Variants in SPTLC2 observed in about 807,000 individuals in gnomAD.
SPTLC2 encodes the protein serine palmitoyltransferase 2.
In SPTLC2, 21 loss-of-function variants were observed where a neutral mutation model predicts 62.0. The observed-to-expected ratio is 0.34, with a 90% confidence interval of 0.24 to 0.49. The LOEUF (loss-of-function observed/expected upper bound fraction) is 0.49, where lower values mean the gene tolerates loss of function less well. Among genes scored for constraint, SPTLC2 ranks in the 20% least tolerant of loss-of-function variants. SPTLC2 has a pLI of 0.99. For missense variants in SPTLC2, 511 were observed against 713.0 expected (o/e 0.72, Z 3.23); for synonymous variants, 261 against 261.8 (o/e 1.00, Z 0.03).
At chr14:77,534,178 T>A (rs28668365) in intron 9 of SPTLC2, among the ~76,000 whole-genome samples, 1,795 of 114,876 alleles carry the variant, frequency 0.016, 19 homozygotes, top group African/African-American at 0.043. Context: ...TCTCTCTCTC[T>A]CACACACACA....
chr14:77,520,970 T>C (rs2079382359), intron 10 of SPTLC2, among the ~76,000 whole-genome samples: 1 of 152,236 alleles, frequency 6.6e-6, no homozygotes, highest in South Asian at 2.1e-4. Context: ...TTCAAATCTT[T>C]GCTCAGATGT....
At chr14:77,517,061 A>T (rs2079362835) in intron 11 of SPTLC2, among the ~76,000 whole-genome samples, 1 of 152,224 alleles carries the variant, frequency 6.6e-6, no homozygotes. Context: ...AGCCTGACCA[A>T]CATGGAGAAA....
At chr14:77,532,812 T>TA (rs1469924086) in intron 9 of SPTLC2, among the ~76,000 whole-genome samples, 21 of 106,242 alleles carry the variant, frequency 2.0e-4, no homozygotes, top group Admixed American at 3.5e-4. Flanking sequence ...TAAAAATAAA[T>TA]AAATAAATAA....
At chr14:77,599,411 C>T (rs1334124852) in intron 1 of SPTLC2, among the ~76,000 whole-genome samples, 4 of 152,142 alleles carry the variant, frequency 2.6e-5, no homozygotes, top group African/African-American at 4.8e-5. Context: ...CATAACTATA[C>T]AATCAATTGT....
intron 9 of SPTLC2, among the ~76,000 whole-genome samples, chr14:77,549,396 A>G (rs574523683): frequency 6.6e-6 from 1 of 152,256 alleles, no homozygotes; most frequent in African/African-American, 2.4e-5. Context: ...TGCTCTCTGA[A>G]GCATCCTTTC....
Position 77,535,817 on chromosome 14 carries a change from A to C in SPTLC2, c.1304-14236T>G, listed in dbSNP as rs373836035. ...CTACTATTATGACTGGCTGGCTATT[A>C]AAACCAGGTGAAAGTGGACAGAAAT... On this transcript the variant is annotated intron_variant, in intron 9 of 11. Coordinates refer to ENST00000216484, the MANE Select transcript of SPTLC2 (RefSeq NM_004863.4). 118 of 354,286 alleles carry C rather than the reference A, an allele frequency of 3.3e-4. 1 individual carries two copies. Among genetic ancestry groups the C allele is most frequent in the African/African-American group, 2.5e-3 (114 of 45,592 alleles). 21.9% of individuals were successfully genotyped at this position (354,286 alleles called of 1,614,324 possible).
At chr14:77,580,477 C>CAA (rs370432060) in intron 2 of SPTLC2, among the ~76,000 whole-genome samples, 1,110 of 109,782 alleles carry the variant, frequency 0.01, 17 homozygotes, top group Non-Finnish European at 0.015. Context: ...GACTCCATAT[C>CAA]AAAAAAAAAA....
intron 2 of SPTLC2, 127 bp from the exon 3 acceptor site, chr14:77,579,236 G>A (rs936698850): frequency 2.2e-6 from 2 of 917,740 alleles, no homozygotes; most frequent in Non-Finnish European, 3.4e-6. Flanking sequence ...TTACGTGCAA[G>A]ATTGTGTAAT....
At chr14:77,607,201 A>AG (rs2079910104) in intron 1 of SPTLC2, among the ~76,000 whole-genome samples, 1 of 152,214 alleles carries the variant, frequency 6.6e-6, no homozygotes, top group Non-Finnish European at 1.5e-5. Context: ...CAAAGTAATA[A>AG]GCATTTCTCT....
intron 1 of SPTLC2, among the ~76,000 whole-genome samples, chr14:77,598,062 TG>T (rs1205432700): frequency 7.4e-6 from 1 of 135,784 alleles, no homozygotes; most frequent in African/African-American, 2.8e-5. Context: ...ATGGAAGTTG[TG>T]GGGAGCCGAG....
At position 77,562,454 on chromosome 14, in the gene SPTLC2, T is replaced by C. The variant is rs2079619982; in HGVS notation, c.792A>G (p.Ala264=). ...CLILSDELNH[A]SLVLGARLSG... is the part of the protein sequence containing the mutation. ...ACAGTCTGGCTCCCAGAACCAGTGATGCATGATTCAGTTCATCACTCAGAA... is the reference window on the plus strand; with the variant it reads ...ACAGTCTGGCTCCCAGAACCAGTGACGCATGATTCAGTTCATCACTCAGAA... The change falls in exon 6 of 12, where the codon GCA becomes GCG. Residue 264 remains alanine, a synonymous_variant. Coordinates refer to ENST00000216484, the MANE Select transcript of SPTLC2 (RefSeq NM_004863.4). 3.7e-6 allele frequency: 6 copies of C among 1,614,182 alleles called. No homozygotes were observed. The highest frequency in any genetic ancestry group is 5.1e-6 in the Non-Finnish European group (6 of 1,180,026).
In SPTLC2 at chr14:77,568,807, CAA is replaced by C. The variant is rs35640441; in HGVS notation, c.756+1575_756+1576del. 7.9e-4 allele frequency among the ~76,000 whole-genome samples: 49 copies of C among 62,370 alleles called. 1 individual carries two copies. Among genetic ancestry groups the C allele is most frequent in the African/African-American group, 1.6e-3 (30 of 18,316 alleles). 40.9% of individuals were successfully genotyped at this position (62,370 alleles called of 152,430 possible). On this transcript the variant is annotated intron_variant, in intron 5 of 11. Transcript: ENST00000216484. The stretch of plus-strand genomic sequence containing the variant: ...TGGGCAAGAGAGCGAGACTCTGTCT[CAA>C]AAAAAAAAAAAAAAAAGAGAGAGGG...
Position 77,592,518 on chromosome 14 carries a change from T to C in SPTLC2, c.327+4668A>G, listed in dbSNP as rs373801808. Among the ~76,000 whole-genome samples, 27 of 152,216 alleles carry C rather than the reference T, an allele frequency of 1.8e-4. 1 individual carries two copies. The highest frequency in any genetic ancestry group is 1.2e-3 in the East Asian group (6 of 5,202). On this transcript the variant is annotated intron_variant, in intron 2 of 11. Coordinates refer to ENST00000216484, the MANE Select transcript of SPTLC2 (RefSeq NM_004863.4). ...TATTTGAATTTCTTTCTTTCTTTTG[T>C]ATCTTGAAAATAAGCCTATTGGGAT...
At chr14:77,551,961 C>A (rs567523205) in intron 9 of SPTLC2, 135 bp downstream of exon 9, 2 of 1,331,986 alleles carry the variant, frequency 1.5e-6, no homozygotes, top group East Asian at 2.5e-5. Context: ...AAAAAAGTGT[C>A]CATGGAAACC....
chr14:77,516,503 C>T (rs1170010334), intron 11 of SPTLC2, among the ~76,000 whole-genome samples: 1 of 151,672 alleles, frequency 6.6e-6, no homozygotes, highest in African/African-American at 2.4e-5. Flanking sequence ...ATTCTTAAAA[C>T]ATCAATAGAG....
chr14:77,521,313 A>G (rs1196022713), intron 10 of SPTLC2, 133 bp downstream of exon 10: 1 of 1,110,002 alleles, frequency 9.0e-7, no homozygotes, highest in Non-Finnish European at 1.4e-6. Flanking sequence ...TATTTGATCT[A>G]TGGCATATGT....
intron 9 of SPTLC2, 106 bp from the exon 10 acceptor site, chr14:77,521,687 G>GT (rs2079385641): frequency 5.7e-6 from 6 of 1,048,738 alleles, no homozygotes; most frequent in East Asian, 5.1e-5. Flanking sequence ...GTTCTGTTTC[G>GT]TTTTTTTCCA....
chr14:77,545,019 A>T (rs977781364), intron 9 of SPTLC2, among the ~76,000 whole-genome samples: 1 of 151,548 alleles, frequency 6.6e-6, no homozygotes, highest in Non-Finnish European at 1.5e-5. Context: ...CCACTGGAAG[A>T]CCCCATTGCA....
At chr14:77,530,734 T>C (rs1358490808) in intron 9 of SPTLC2, among the ~76,000 whole-genome samples, 1 of 152,164 alleles carries the variant, frequency 6.6e-6, no homozygotes, top group Non-Finnish European at 1.5e-5. Flanking sequence ...AGGTTACATA[T>C]CTTAAAATAG....
Sources: gnomAD v4.1 joint callset for allele counts (sites outside exome capture counted in the v4.1 genomes callset) on GRCh38, gnomAD v4.1.1 for gene constraint, MANE v1.5 for transcripts, NCBI Gene and HGNC (gene_info 2026-07-23, HGNC 2026-07-21) for gene names.